WDR35: variants seen among roughly 807,000 people sequenced by gnomAD.
WDR35 encodes WD repeat-containing protein 35.
A neutral mutation model predicts 158.3 loss-of-function variants in WDR35; 118 were observed. The observed-to-expected ratio is 0.75, with a 90% CI of 0.64 to 0.87. The LOEUF (loss-of-function observed/expected upper bound fraction) is 0.87, where lower values mean the gene tolerates loss of function less well. WDR35 is among the 40% of genes least tolerant of loss of function. WDR35 has a pLI of 0.00. For synonymous variants in WDR35, 448 were observed against 476.1 expected (o/e 0.94, Z 0.77); for missense variants, 1,263 against 1,405.8 (o/e 0.90, Z 1.62).
In WDR35 at chr2:19,936,276, C is replaced by T; in HGVS notation, c.2357G>A (p.Ser786Asn). 6.2e-7 allele frequency: 1 copy of T among 1,614,062 alleles called. No individual in the cohort carries two copies. The highest frequency in any genetic ancestry group is 8.5e-7 in the Non-Finnish European group (1 of 1,179,940). ...GGCATTGTTGGCTTGTTCCAGGAGA[C>T]TGTCATCTGCATCACCAGATCCAGT... ...LKTGSGDADDSLLEQANNAIG... is the reference protein window; with the variant it reads ...LKTGSGDADDNLLEQANNAIG... Residue 786 changes from serine to asparagine, a missense_variant, in exon 20 of 27, where the codon AGT becomes AAT. Ser to Asn is a conservative substitution (Grantham distance 46, BLOSUM62 1). Transcript: ENST00000281405.
At chr2:19,959,432 T>C (rs1004937113) in intron 11 of WDR35, among the ~76,000 whole-genome samples, 38 of 152,054 alleles carry the variant, frequency 2.5e-4, no homozygotes, top group African/African-American at 8.9e-4. Flanking sequence ...CTGTTAATAA[T>C]TTTAAGCTAA....
chr2:19,955,623 T>C (rs1029738302), intron 11 of WDR35, among the ~76,000 whole-genome samples: 2 of 152,190 alleles, frequency 1.3e-5, no homozygotes, highest in African/African-American at 4.8e-5. Flanking sequence ...GTTTTCTAAA[T>C]TCATGAACAA....
chr2:19,974,338 G>C, intron 7 of WDR35, 130 bp downstream of exon 7: 1 of 907,010 alleles, frequency 1.1e-6, no homozygotes, highest in South Asian at 1.9e-5. Context: ...GAACCCGGGA[G>C]GCAGAAGTTG....
chr2:19,931,333 A>G lies in WDR35; in HGVS notation c.2900T>C (p.Ile967Thr), dbSNP rs776936691. Residue 967 changes from isoleucine to threonine, a missense_variant, in exon 24 of 27, where the codon ATA becomes ACA. Coordinates refer to ENST00000281405, the MANE Select transcript of WDR35 (RefSeq NM_020779.4). ...CTTCATCTGTTCATGGTATTGCTCTATAAGTAAGGCTGACAGTACATAGAG... is the reference window on the plus strand; with the variant it reads ...CTTCATCTGTTCATGGTATTGCTCTGTAAGTAAGGCTGACAGTACATAGAG... The part of the protein sequence containing the change: ...KKLYVLSALL[I>T]EQYHEQMKNA... The G allele has an allele frequency of 5.6e-6, 9 of 1,612,836 alleles. No homozygotes were observed. The highest frequency in any genetic ancestry group is 2.2e-5 in the East Asian group (1 of 44,720).
intron 11 of WDR35, among the ~76,000 whole-genome samples, chr2:19,955,917 T>A (rs78089943): frequency 3.9e-5 from 6 of 151,914 alleles, no homozygotes; most frequent in South Asian, 2.1e-4. Context: ...ATTTTTTTTT[T>A]AATTCTTTTT....
chr2:19,957,610 T>C (rs1309243813), intron 11 of WDR35, among the ~76,000 whole-genome samples: 2 of 152,060 alleles, frequency 1.3e-5, no homozygotes, highest in African/African-American at 4.8e-5. Flanking sequence ...TGGAGAGCTG[T>C]GGCACGATCT....
chr2:19,960,411 T>C (rs529509140), intron 11 of WDR35, 143 bp downstream of exon 11: 37 of 655,676 alleles, frequency 5.6e-5, no homozygotes, highest in Middle Eastern at 3.9e-4. Context: ...TATAAACTGG[T>C]ACTGGATCTG....
chr2:19,960,720 G>C (rs1356510209), intron 10 of WDR35, 106 bp from the exon 11 acceptor site: 1 of 842,588 alleles, frequency 1.2e-6, no homozygotes, highest in East Asian at 2.7e-5. Flanking sequence ...ATTGCTAACT[G>C]GGAAATAACT....
intron 5 of WDR35, among the ~76,000 whole-genome samples, chr2:19,977,468 T>A (rs1377509978): frequency 6.6e-6 from 1 of 152,198 alleles, no homozygotes; most frequent in Non-Finnish European, 1.5e-5. Flanking sequence ...CCCAATCCTA[T>A]CTATTCTGCC....
At chr2:19,938,529 G>A (rs1420362956) in intron 17 of WDR35, 128 bp from the exon 18 acceptor site, 2 of 1,231,458 alleles carry the variant, frequency 1.6e-6, no homozygotes, top group African/African-American at 1.5e-5. Context: ...AGCAAAATAA[G>A]GAAGAGAAAT....
rs374073530 is a variant in WDR35 at position 19,937,846 on chromosome 2, G to A, written c.2164C>T (p.Arg722Cys). Residue 722 changes from arginine to cysteine, a missense_variant, in exon 19 of 27, where the codon CGC (arginine) becomes TGC (cysteine). Coordinates refer to ENST00000281405, the MANE Select transcript of WDR35 (RefSeq NM_020779.4). ...KDYQGIKFVK[R>C]LGKLLSESMK... is the part of the protein sequence containing the mutation. ...GACTCACTCAGTAGTTTGCCCAAGC[G>A]CTTCACAAACTTAATGCCTTGGTAA... is the stretch of plus-strand genomic sequence containing the variant. 5.1e-5 allele frequency: 83 copies of A among 1,614,002 alleles called. No individual in the cohort carries two copies. Among genetic ancestry groups the A allele is most frequent in the African/African-American group, 3.9e-4 (29 of 74,922 alleles).
chr2:19,933,377 C>T lies in WDR35; in HGVS notation c.2658+24G>A, dbSNP rs568719579. On this transcript the variant is annotated intron_variant, in intron 22 of 26. Coordinates refer to ENST00000281405, the MANE Select transcript of WDR35 (RefSeq NM_020779.4). ...AAAATTCCTAAGACAATAAGCTGCA[C>T]AGACAGAAAGTTTCAGTTCCTACTT... The T allele has an allele frequency of 5.7e-6, 9 of 1,585,888 alleles. No individual in the cohort carries two copies. The South Asian group carries it at 6.6e-5, about 12-fold the overall frequency.
intron 11 of WDR35, among the ~76,000 whole-genome samples, chr2:19,956,615 A>G (rs1331131512): frequency 1.3e-5 from 2 of 148,314 alleles, no homozygotes; most frequent in Admixed American, 7.0e-5. Flanking sequence ...ACGCTTAATA[A>G]TACTTTTTTT....
At position 19,989,216 on chromosome 2, in the gene WDR35, A is replaced by C; in HGVS notation, c.91T>G (p.Cys31Gly). 7 of 1,614,194 alleles carry C rather than the reference A, an allele frequency of 4.3e-6. No individual in the cohort carries two copies. Among genetic ancestry groups the C allele is most frequent in the Non-Finnish European group, 5.9e-6 (7 of 1,180,042 alleles). Reference protein sequence around the residue: ...SWNKEQGFIACGGEDGLLKVL... With the variant: ...SWNKEQGFIAGGGEDGLLKVL... Reference sequence around the variant, plus strand: ...TTCAGTAATCCATCTTCACCACCGCATGCTATGAACCCTTGTTCCTTGTTC... The same window carrying C: ...TTCAGTAATCCATCTTCACCACCGCCTGCTATGAACCCTTGTTCCTTGTTC... The change falls in exon 2 of 27, where the codon TGC becomes GGC. Residue 31 changes from cysteine to glycine, a missense_variant. Coordinates refer to ENST00000281405, the MANE Select transcript of WDR35 (RefSeq NM_020779.4).
Position 19,913,308 on chromosome 2 carries a change from CAAAAG to C in WDR35, c.*245_*249del, listed in dbSNP as rs1261828501. The C allele has an allele frequency of 1.5e-5, 6 of 394,270 alleles. No individual in the cohort carries two copies. In the East Asian group the frequency reaches 2.9e-4, roughly 19 times the overall value. 24.4% of individuals were successfully genotyped at this position (394,270 alleles called of 1,614,324 possible). A position where few individuals can be genotyped will look rare whatever the true frequency, so the allele number is the denominator to read the frequency against. On this transcript the variant is annotated 3_prime_UTR_variant, in exon 27 of 27. Transcript: ENST00000281405. Reference sequence around the variant, plus strand: ...ATCATGTAACCAAAAACAAGATAAACAAAAGAGAGAGGGTGAGAGAAAACATGGTT... The same window carrying C: ...ATCATGTAACCAAAAACAAGATAAACAGAGAGGGTGAGAGAAAACATGGTT...
intron 25 of WDR35, among the ~76,000 whole-genome samples, chr2:19,927,423 G>C (rs1435530915): frequency 6.6e-6 from 1 of 152,160 alleles, no homozygotes; most frequent in Non-Finnish European, 1.5e-5. Flanking sequence ...TCCCCTAAGG[G>C]GATGTTTAGC....
chr2:19,964,371 C>CT (rs1343157322), intron 10 of WDR35, among the ~76,000 whole-genome samples: 1 of 109,152 alleles, frequency 9.2e-6, no homozygotes, highest in African/African-American at 3.5e-5. Context: ...TTTTTTCTTT[C>CT]TTTTCTTTTC....
At chr2:19,925,728 G>A (rs1279889120) in intron 25 of WDR35, among the ~76,000 whole-genome samples, 1 of 152,114 alleles carries the variant, frequency 6.6e-6, no homozygotes, top group Non-Finnish European at 1.5e-5. Context: ...ACAATGGGGA[G>A]CACAAGTTCT....
intron 8 of WDR35, 33 bp downstream of exon 8, chr2:19,973,530 A>G (rs1473389417): frequency 6.2e-7 from 1 of 1,613,858 alleles, no homozygotes; most frequent in East Asian, 2.2e-5. Context: ...ACATTTAAAT[A>G]GAAAGAAAGA....
Sources: allele counts gnomAD v4.1 joint callset (sites outside exome capture counted in the v4.1 genomes callset), GRCh38; gene constraint gnomAD v4.1.1; transcripts MANE v1.5; gene names NCBI Gene and HGNC (gene_info 2026-07-23, HGNC 2026-07-21).